The following DLGAP1 variants were observed in gnomAD, a reference collection of about 807,000 sequenced individuals.
DLGAP1 encodes disks large-associated protein 1.
Under a neutral mutation model 90.8 loss-of-function variants are expected in DLGAP1, and 11 were observed. The ratio of observed to expected loss-of-function variants is 0.12; its 90% CI spans 0.08 to 0.20. DLGAP1 has a LOEUF of 0.20. Among genes scored for constraint, DLGAP1 ranks in the 10% least tolerant of loss-of-function variants. The pLI is 1.00. For missense variants in DLGAP1, 1,050 were observed against 1,333.8 expected, an observed-to-expected ratio of 0.79 and a Z score of 3.31; for synonymous variants, 558 against 540.7, an observed-to-expected ratio of 1.03 and a Z score of -0.44.
intron 1 of DLGAP1, among the ~76,000 whole-genome samples, chr18:4,253,780 T>A (rs1026874643): frequency 2.0e-5 from 3 of 152,144 alleles, no homozygotes; most frequent in African/African-American, 7.2e-5. Context: ...TACAAATAGT[T>A]TTGGAACAGA....
chr18:3,656,966 T>C (rs1341408947), intron 7 of DLGAP1, among the ~76,000 whole-genome samples: 2 of 152,104 alleles, frequency 1.3e-5, no homozygotes, highest in African/African-American at 4.8e-5. Flanking sequence ...CAGGATGGTC[T>C]CGATCTCCTG....
chr18:4,365,166 G>A (rs953681938), intron 1 of DLGAP1, among the ~76,000 whole-genome samples: 46 of 152,228 alleles, frequency 3.0e-4, no homozygotes, highest in African/African-American at 1.1e-3. Context: ...GAAAATAAAT[G>A]CATAGTGTAT....
intron 1 of DLGAP1, among the ~76,000 whole-genome samples, chr18:4,151,904 C>A (rs1778607732): frequency 6.6e-6 from 1 of 152,170 alleles, no homozygotes; most frequent in Admixed American, 6.5e-5. Context: ...TGCAGCAAAC[C>A]ACCATGGCAC....
At chr18:3,769,966 A>G (rs574901290) in intron 5 of DLGAP1, 1 of 152,316 alleles carries the variant, frequency 6.6e-6, no homozygotes, top group African/African-American at 2.4e-5. Flanking sequence ...TTTAATTAAA[A>G]AAATCCCACC....
intron 2 of DLGAP1, among the ~76,000 whole-genome samples, chr18:4,122,424 GT>G (rs1340411525): frequency 6.6e-6 from 1 of 152,144 alleles, no homozygotes; most frequent in Non-Finnish European, 1.5e-5. Flanking sequence ...CGATTACTGT[GT>G]TTTCGCTTTC....
At chr18:4,087,376 G>A (rs941533227) in intron 2 of DLGAP1, among the ~76,000 whole-genome samples, 11 of 152,110 alleles carry the variant, frequency 7.2e-5, no homozygotes, top group African/African-American at 1.4e-4. Context: ...CACCCAGGGC[G>A]GAAAACTGCT....
chr18:4,304,735 A>G (rs2143326637), intron 1 of DLGAP1, among the ~76,000 whole-genome samples: 1 of 152,270 alleles, frequency 6.6e-6, no homozygotes, highest in African/African-American at 2.4e-5. Flanking sequence ...GTTCGAGACC[A>G]GCCTGGCCAA....
intron 3 of DLGAP1, among the ~76,000 whole-genome samples, chr18:3,975,607 A>C (rs1599251593): frequency 6.6e-6 from 1 of 152,188 alleles, no homozygotes; most frequent in South Asian, 2.1e-4. Context: ...TAGGGACTCA[A>C]ACAGATATTG....
chr18:4,243,639 C>T (rs1015484340), intron 1 of DLGAP1, among the ~76,000 whole-genome samples: 10 of 152,150 alleles, frequency 6.6e-5, no homozygotes, highest in Admixed American at 3.9e-4. Flanking sequence ...CGTGATCTTC[C>T]GTGATATCCT....
intron 1 of DLGAP1, among the ~76,000 whole-genome samples, chr18:4,404,809 G>T (rs1471009378): frequency 1.3e-5 from 2 of 152,260 alleles, no homozygotes; most frequent in Middle Eastern, 3.4e-3. Context: ...CAGTAAAATA[G>T]TCCCACATGC....
intron 1 of DLGAP1, among the ~76,000 whole-genome samples, chr18:4,197,460 G>A (rs2077522289): frequency 6.6e-6 from 1 of 152,114 alleles, no homozygotes; most frequent in African/African-American, 2.4e-5. Context: ...GTGTCTGGCA[G>A]TGTTAGGGGA....
intron 2 of DLGAP1, among the ~76,000 whole-genome samples, chr18:4,124,683 T>C (rs2076205590): frequency 6.6e-6 from 1 of 152,244 alleles, no homozygotes; most frequent in African/African-American, 2.4e-5. Flanking sequence ...TATTTTCTAT[T>C]AAGGAGGAAT....
In DLGAP1 at chr18:3,742,518, A is replaced by AG; in HGVS notation, c.1173-7dup. Reference sequence around the variant, plus strand: ...GTGAGTGTTCATTGGAGATTCTGGAAGGGAACAATGGAAGAGGTGCATTAG... The same window carrying AG: ...GTGAGTGTTCATTGGAGATTCTGGAAGGGGAACAATGGAAGAGGTGCATTAG... On this transcript the variant is annotated splice_polypyrimidine_tract_variant and splice_region_variant and intron_variant, in intron 5 of 12. Transcript: ENST00000315677. The AG allele has an allele frequency of 6.2e-7, 1 of 1,614,032 alleles. No individual in the cohort carries two copies. Among genetic ancestry groups the AG allele is most frequent in the Non-Finnish European group, 8.5e-7 (1 of 1,179,908 alleles).
chr18:4,296,822 GAC>G (rs1376041621), intron 1 of DLGAP1, among the ~76,000 whole-genome samples: 1 of 152,094 alleles, frequency 6.6e-6, no homozygotes, highest in Non-Finnish European at 1.5e-5. Flanking sequence ...TGCACTGAAA[GAC>G]AGAGCGGGTG....
intron 7 of DLGAP1, among the ~76,000 whole-genome samples, chr18:3,704,946 T>C (rs1388080898): frequency 1.3e-5 from 2 of 152,168 alleles, no homozygotes. Flanking sequence ...AGACAAGACA[T>C]GAATACATGC....
At chr18:3,644,859 CTATGGAAA>C (rs149488720) in intron 7 of DLGAP1, among the ~76,000 whole-genome samples, 8,976 of 151,952 alleles carry the variant, frequency 0.059, 650 homozygotes, top group East Asian at 0.19. Context: ...AGAAAGTTCT[CTATGGAAA>C]TATGGAAATA....
At chr18:3,788,164 G>A (rs987960476) in intron 5 of DLGAP1, among the ~76,000 whole-genome samples, 1 of 152,178 alleles carries the variant, frequency 6.6e-6, no homozygotes, top group African/African-American at 2.4e-5. Context: ...GGGTATACAA[G>A]CATCTGTGCT....
At chr18:4,108,540 A>AAT (rs386386907) in intron 2 of DLGAP1, among the ~76,000 whole-genome samples, 2 of 39,246 alleles carry the variant, frequency 5.1e-5, no homozygotes, top group Non-Finnish European at 9.7e-5. Flanking sequence ...ATTACACAAT[A>AAT]AAAAAAAAAC....
At position 4,415,040 on chromosome 18, in the gene DLGAP1, C is replaced by T. The variant is rs189277720; in HGVS notation, c.-267+39966G>A. 4.0e-3 allele frequency among the ~76,000 whole-genome samples: 491 copies of T among 123,266 alleles called. 3 individuals are homozygous for T. Among genetic ancestry groups the T allele is most frequent in the African/African-American group, 0.014 (454 of 31,842 alleles). 80.9% of individuals were successfully genotyped at this position (123,266 alleles called of 152,430 possible). On this transcript the variant is annotated intron_variant, in intron 1 of 12. Coordinates refer to ENST00000315677, the MANE Select transcript of DLGAP1 (RefSeq NM_004746.4). ...ATTGAAATATACATATATATATATA[C>T]ACACACACACACATACACATATATA...
Sources: allele counts gnomAD v4.1 joint callset (sites outside exome capture counted in the v4.1 genomes callset), GRCh38; gene constraint gnomAD v4.1.1; transcripts MANE v1.5; gene names NCBI Gene and HGNC (gene_info 2026-07-23, HGNC 2026-07-21).